PLCB1: variants seen among roughly 807,000 people sequenced by gnomAD.
PLCB1 encodes 1-phosphatidylinositol 4,5-bisphosphate phosphodiesterase beta-1.
Under a neutral mutation model 161.8 loss-of-function variants are expected in PLCB1, and 46 were observed. That is an observed-to-expected ratio of 0.28 (90% CI 0.22 to 0.36). The LOEUF (loss-of-function observed/expected upper bound fraction) is 0.36. PLCB1 is among the 10% of genes least tolerant of loss of function. The probability of loss-of-function intolerance (pLI) is 1.00; values close to 1 mark genes in which losing one functional copy is unlikely to be tolerated. For missense variants in PLCB1, 1,016 were observed against 1,472.5 expected, an observed-to-expected ratio of 0.69 and a Z score of 5.07; for synonymous variants, 517 against 503.7, an observed-to-expected ratio of 1.03 and a Z score of -0.35.
chr20:8,413,486 C>T (rs1218998078), intron 3 of PLCB1, among the ~76,000 whole-genome samples: 1 of 152,212 alleles, frequency 6.6e-6, no homozygotes, highest in Non-Finnish European at 1.5e-5. Flanking sequence ...CTTCCACCAG[C>T]AGTTTTGATA....
chr20:8,295,781 C>T (rs1364873652), intron 2 of PLCB1, among the ~76,000 whole-genome samples: 1 of 152,034 alleles, frequency 6.6e-6, no homozygotes, highest in African/African-American at 2.4e-5. Flanking sequence ...ACAATCATAC[C>T]TCACTGTAGT....
intron 31 of PLCB1, among the ~76,000 whole-genome samples, chr20:8,799,739 C>G (rs1468909886): frequency 6.6e-6 from 1 of 152,148 alleles, no homozygotes; most frequent in Non-Finnish European, 1.5e-5. Flanking sequence ...GGTTCCAGGA[C>G]TCCCCTCAGA....
chr20:8,873,009 C>G (rs1333919405), intron 31 of PLCB1, among the ~76,000 whole-genome samples: 1 of 152,186 alleles, frequency 6.6e-6, no homozygotes, highest in Non-Finnish European at 1.5e-5. Flanking sequence ...TATGTATGTA[C>G]TGTTTCATTT....
chr20:8,699,290 A>T (rs1360453380), intron 11 of PLCB1, among the ~76,000 whole-genome samples: 1 of 152,224 alleles, frequency 6.6e-6, no homozygotes, highest in Admixed American at 6.5e-5. Context: ...AGTGGAGACA[A>T]GGCCATTGAA....
chr20:8,584,320 A>G (rs6055922), intron 3 of PLCB1, among the ~76,000 whole-genome samples: 38,085 of 151,950 alleles, frequency 0.25, 5,249 homozygotes, highest in African/African-American at 0.38. Flanking sequence ...GTCAAACTCA[A>G]ACATAGGTTT....
intron 3 of PLCB1, among the ~76,000 whole-genome samples, chr20:8,519,075 T>G (rs935088638): frequency 6.6e-6 from 1 of 152,138 alleles, no homozygotes; most frequent in Admixed American, 6.5e-5. Context: ...GCTGCTCACC[T>G]CCTGCTGTGC....
At chr20:8,187,582 T>C (rs1169668416) in intron 2 of PLCB1, among the ~76,000 whole-genome samples, 1 of 152,152 alleles carries the variant, frequency 6.6e-6, no homozygotes, top group Non-Finnish European at 1.5e-5. Context: ...CTCCACTTCC[T>C]AGAGTTTTCC....
intron 31 of PLCB1, among the ~76,000 whole-genome samples, chr20:8,881,236 C>T (rs979274387): frequency 2.0e-5 from 3 of 151,996 alleles, no homozygotes; most frequent in African/African-American, 7.2e-5. Context: ...CAAGCAATCG[C>T]AATCAACCTG....
intron 2 of PLCB1, among the ~76,000 whole-genome samples, chr20:8,186,393 ATGT>A (rs2051906529): frequency 6.6e-6 from 1 of 152,096 alleles, no homozygotes; most frequent in Admixed American, 6.6e-5. Context: ...ATGTTAATTG[ATGT>A]TGTCTTTACT....
At chr20:8,416,098 C>T (rs1188020175) in intron 3 of PLCB1, among the ~76,000 whole-genome samples, 1 of 152,168 alleles carries the variant, frequency 6.6e-6, no homozygotes, top group African/African-American at 2.4e-5. Flanking sequence ...TAAGGAATCT[C>T]CAAAACACAG....
chr20:8,812,857 T>G (rs1984897723), intron 31 of PLCB1, among the ~76,000 whole-genome samples: 1 of 152,214 alleles, frequency 6.6e-6, no homozygotes, highest in Non-Finnish European at 1.5e-5. Context: ...TCTATTTCCT[T>G]TAACAGTTAG....
intron 3 of PLCB1, among the ~76,000 whole-genome samples, chr20:8,404,689 A>G (rs1250705575): frequency 4.6e-5 from 7 of 152,206 alleles, no homozygotes; most frequent in African/African-American, 1.7e-4. Context: ...GAAAATGTAC[A>G]GATTCTTTTA....
intron 9 of PLCB1, among the ~76,000 whole-genome samples, chr20:8,673,743 A>G (rs1003133369): frequency 5.9e-5 from 9 of 152,212 alleles, no homozygotes; most frequent in Non-Finnish European, 1.2e-4. Context: ...AACCACTCAC[A>G]ATATAAATTA....
At chr20:8,444,717 C>T (rs1980736044) in intron 3 of PLCB1, among the ~76,000 whole-genome samples, 1 of 152,140 alleles carries the variant, frequency 6.6e-6, no homozygotes, top group Admixed American at 6.5e-5. Flanking sequence ...CCTGTTGTTT[C>T]CTGACTTTTT....
chr20:8,369,917 G>A (rs901947545), intron 2 of PLCB1, among the ~76,000 whole-genome samples: 3 of 152,142 alleles, frequency 2.0e-5, no homozygotes, highest in Non-Finnish European at 2.9e-5. Context: ...GCAATCTTAG[G>A]TGCAGAAAAA....
Position 8,132,457 on chromosome 20 carries a change from G to GC in PLCB1, c.-190dup. ...CGCCCGGGGCATGGCCGGGCGCTGC[G>GC]CCCCCGCGCGCTCTGCCTGCTGAGC... On this transcript the variant is annotated 5_prime_UTR_variant, in exon 1 of 32. The change abolishes the stop of an existing upstream ORF in the 5' untranslated region. Coordinates refer to ENST00000338037, the MANE Select transcript of PLCB1 (RefSeq NM_015192.4). This position sits in a 1 kb window ranked among gnomAD's most constrained non-coding sequence, Gnocchi z 5.2. 3.1e-6 allele frequency: 1 copy of GC among 326,038 alleles called. No homozygotes were observed. Among genetic ancestry groups the GC allele is most frequent in the Non-Finnish European group, 5.6e-6 (1 of 179,844 alleles). The allele number at this position is 326,038 out of a possible 1,614,324, so 20.2% of individuals were successfully genotyped here.
intron 3 of PLCB1, chr20:8,625,343 C>T (rs755647108): frequency 3.3e-5 from 5 of 152,194 alleles, no homozygotes; most frequent in Non-Finnish European, 7.4e-5. Context: ...CTACCCCTTG[C>T]GTATCAATAT....
intron 2 of PLCB1, among the ~76,000 whole-genome samples, chr20:8,166,029 C>G (rs1407197990): frequency 6.6e-6 from 1 of 152,102 alleles, no homozygotes; most frequent in African/African-American, 2.4e-5. Flanking sequence ...CTTATGTTGT[C>G]AATATTTCCC....
chr20:8,290,679 A>G (rs1983346486), intron 2 of PLCB1, among the ~76,000 whole-genome samples: 1 of 152,166 alleles, frequency 6.6e-6, no homozygotes, highest in Non-Finnish European at 1.5e-5. Flanking sequence ...CAGAGAACAC[A>G]GTGTCTGTTA....
Sources: allele counts gnomAD v4.1 joint callset (sites outside exome capture counted in the v4.1 genomes callset), GRCh38; gene constraint gnomAD v4.1.1; non-coding constraint Gnocchi (gnomAD v3.1); transcripts MANE v1.5; gene names NCBI Gene and HGNC (gene_info 2026-07-23, HGNC 2026-07-21).